The following RBBP4 variants were observed in gnomAD, a reference collection of about 807,000 sequenced individuals.
RBBP4 encodes histone-binding protein RBBP4.
RBBP4 carries 3 observed loss-of-function variants against 57.2 expected under a neutral mutation model. That is an observed-to-expected ratio of 0.05 (90% CI 0.02 to 0.14). The LOEUF (loss-of-function observed/expected upper bound fraction) is 0.14. RBBP4 is among the 10% of genes least tolerant of loss of function. RBBP4 has a pLI of 1.00. For missense variants in RBBP4, 107 were observed against 520.6 expected, an observed-to-expected ratio of 0.21 and a Z score of 7.73; for synonymous variants, 151 against 171.5, an observed-to-expected ratio of 0.88 and a Z score of 0.93.
Position 32,683,863 on chromosome 1 carries a change from C to CCT in RBBP4, c.*4158_*4159insCT. The CCT allele has an allele frequency of 7.1e-6, 5 of 708,578 alleles. No individual in the cohort carries two copies. Among genetic ancestry groups the CCT allele is most frequent in the South Asian group, 1.8e-5 (1 of 56,010 alleles). 43.9% of individuals were successfully genotyped at this position (708,578 alleles called of 1,614,324 possible). A position where few individuals can be genotyped will look rare whatever the true frequency, so the allele number is the denominator to read the frequency against. ...GGCCAGGCTGGTCTTGAACTCCTGA[C>CCT]TCCAGGTGATCCACCCTCCTCAGCC... On this transcript the variant is annotated 3_prime_UTR_variant, in exon 12 of 12. Coordinates refer to ENST00000373493, the MANE Select transcript of RBBP4 (RefSeq NM_005610.3).
chr1:32,651,569 A>G (rs992994907), intron 1 of RBBP4: 4 of 1,080,000 alleles, frequency 3.7e-6, no homozygotes, highest in Non-Finnish European at 5.0e-6. Context: ...CCTGCCTCCG[A>G]TATCGGTTTC....
At chr1:32,675,613 C>T (rs1649065558) in intron 11 of RBBP4, among the ~76,000 whole-genome samples, 1 of 150,834 alleles carries the variant, frequency 6.6e-6, no homozygotes. Context: ...ACTAAAAATA[C>T]AAAAAATTAG....
intron 11 of RBBP4, among the ~76,000 whole-genome samples, chr1:32,676,916 C>G (rs1649126953): frequency 6.6e-6 from 1 of 152,046 alleles, no homozygotes; most frequent in Non-Finnish European, 1.5e-5. Context: ...GCACTCCAGC[C>G]TGGGTGACAG....
chr1:32,651,344 C>G, intron 1 of RBBP4, 22 bp downstream of exon 1: 1 of 1,445,900 alleles, frequency 6.9e-7, no homozygotes, highest in Non-Finnish European at 9.1e-7. Context: ...GGGGCCGACC[C>G]AGGAGGGCAG....
chr1:32,682,345 C>G lies in RBBP4; in HGVS notation c.*2640C>G, dbSNP rs1179661340. 6.5e-6 allele frequency: 1 copy of G among 153,596 alleles called. No individual in the cohort carries two copies. The highest frequency in any genetic ancestry group is 1.4e-5 in the Non-Finnish European group (1 of 69,158). 9.5% of individuals were successfully genotyped at this position (153,596 alleles called of 1,614,324 possible). A position where few individuals can be genotyped will look rare whatever the true frequency, so the allele number is the denominator to read the frequency against. ...CTGAGGCAGGAGTATTGTTTGAACC[C>G]AGGAGGCAGAGTTGCAGTGAGCCAA... On this transcript the variant is annotated 3_prime_UTR_variant, in exon 12 of 12. Coordinates refer to ENST00000373493, the MANE Select transcript of RBBP4 (RefSeq NM_005610.3).
Position 32,684,079 on chromosome 1 carries a change from GTAGCA to G in RBBP4, c.*4379_*4383del. The G allele has an allele frequency of 6.2e-7, 1 of 1,613,162 alleles. No individual in the cohort carries two copies. Among genetic ancestry groups the G allele is most frequent in the South Asian group, 1.1e-5 (1 of 91,060 alleles). The stretch of plus-strand genomic sequence containing the variant: ...TCAGCCTGTTCCAGGCTCTTGGGTA[GTAGCA>G]TAGCCCTTTAAAAAGAGAGAGCCAT... On this transcript the variant is annotated 3_prime_UTR_variant, in exon 12 of 12. Transcript: ENST00000373493.
chr1:32,653,072 C>A (rs898649106), intron 2 of RBBP4, among the ~76,000 whole-genome samples: 3 of 152,110 alleles, frequency 2.0e-5, no homozygotes, highest in Admixed American at 2.0e-4. Flanking sequence ...ATGTTTCTTA[C>A]GTGTAGGTAG....
At position 32,681,634 on chromosome 1, in the gene RBBP4, A is replaced by T; in HGVS notation, c.*1929A>T. The T allele has an allele frequency of 4.6e-6, 3 of 659,028 alleles. No homozygotes were observed. Among genetic ancestry groups the T allele is most frequent in the Non-Finnish European group, 7.9e-6 (3 of 379,246 alleles). The allele number at this position is 659,028 out of a possible 1,614,324, so 40.8% of individuals were successfully genotyped here. A position where few individuals can be genotyped will look rare whatever the true frequency, so the allele number is the denominator to read the frequency against. The stretch of plus-strand genomic sequence containing the variant: ...TGAGATCAGTATCAACAGCAGATGA[A>T]ATAGAATCCAGCAAAGAGTTGACAT... On this transcript the variant is annotated 3_prime_UTR_variant, in exon 12 of 12. Transcript: ENST00000373493.
chr1:32,659,559 C>T (rs1413740793), intron 3 of RBBP4, among the ~76,000 whole-genome samples: 2 of 59,540 alleles, frequency 3.4e-5, no homozygotes, highest in Non-Finnish European at 1.2e-4. Flanking sequence ...AGGGAAACTC[C>T]GTCTCAAAAA....
intron 11 of RBBP4, among the ~76,000 whole-genome samples, chr1:32,678,198 C>A (rs1649194173): frequency 6.6e-6 from 1 of 152,112 alleles, no homozygotes; most frequent in Non-Finnish European, 1.5e-5. Context: ...GTCCCCCAGC[C>A]CTAGGCAGCC....
intron 11 of RBBP4, among the ~76,000 whole-genome samples, chr1:32,677,710 A>AGTT (rs10626685): frequency 0.97 from 147,812 of 152,066 alleles, 71,978 homozygotes; most frequent in East Asian, 1. Context: ...AATAGGATTG[A>AGTT]GTTGTACACC....
At chr1:32,679,368 A>G (rs1341833237) in intron 11 of RBBP4, among the ~76,000 whole-genome samples, 1 of 152,234 alleles carries the variant, frequency 6.6e-6, no homozygotes, top group Non-Finnish European at 1.5e-5. Flanking sequence ...AATAGTATCC[A>G]CACTGCAGTT....
At chr1:32,679,347 C>T (rs967887430) in intron 11 of RBBP4, among the ~76,000 whole-genome samples, 2 of 152,178 alleles carry the variant, frequency 1.3e-5, no homozygotes, top group Admixed American at 1.3e-4. Context: ...AGAATGTTGG[C>T]TATCAAGACA....
rs545011892 is a variant in RBBP4 at position 32,665,149 on chromosome 1, C to A, written c.311-3076C>A. Among the ~76,000 whole-genome samples, 84 of 152,128 alleles carry A rather than the reference C, an allele frequency of 5.5e-4. 2 individuals carry two copies. In the South Asian group the frequency reaches 0.016, roughly 28 times the overall value. On this transcript the variant is annotated intron_variant, in intron 3 of 11. Coordinates refer to ENST00000373493, the MANE Select transcript of RBBP4 (RefSeq NM_005610.3). The stretch of plus-strand genomic sequence containing the variant: ...ACTTAGACTGAAGTTTCTTGAGGTA[C>A]GTACCATATATGCCTTGTTTTTTCA...
chr1:32,682,055 T>C lies in RBBP4; in HGVS notation c.*2350T>C, dbSNP rs941383645. The C allele has an allele frequency of 2.3e-5, 13 of 569,444 alleles. No homozygotes were observed. The highest frequency in any genetic ancestry group is 1.7e-4 in the African/African-American group (9 of 53,246). 35.3% of individuals were successfully genotyped at this position (569,444 alleles called of 1,614,324 possible). A position where few individuals can be genotyped will look rare whatever the true frequency, so the allele number is the denominator to read the frequency against. On this transcript the variant is annotated 3_prime_UTR_variant, in exon 12 of 12. Transcript: ENST00000373493. ...TGATGGGAGGGATAGTTAAACGTTT[T>C]CTCTGCTAGGTTAACTTCTTACAGG...
At chr1:32,655,565 A>C (rs983374044) in intron 2 of RBBP4, among the ~76,000 whole-genome samples, 5 of 152,204 alleles carry the variant, frequency 3.3e-5, no homozygotes, top group Admixed American at 3.3e-4. Flanking sequence ...ACATCTGTGC[A>C]GAAGAATTCC....
rs540771442 is a variant in RBBP4 at position 32,682,106 on chromosome 1, T to C, written c.*2401T>C. The stretch of plus-strand genomic sequence containing the variant: ...TATAATTACAATGCCTGAAATTCTG[T>C]AGTTTCATTTCTTTGGATTAGTCGT... On this transcript the variant is annotated 3_prime_UTR_variant, in exon 12 of 12. Coordinates refer to ENST00000373493, the MANE Select transcript of RBBP4 (RefSeq NM_005610.3). 4.1e-6 allele frequency: 2 copies of C among 493,258 alleles called. No homozygotes were observed. The highest frequency in any genetic ancestry group is 7.0e-5 in the East Asian group (2 of 28,448). The allele number at this position is 493,258 out of a possible 1,614,324, so 30.6% of individuals were successfully genotyped here.
intron 11 of RBBP4, 80 bp downstream of exon 11, chr1:32,672,981 A>G (rs1648939012): frequency 1.7e-6 from 2 of 1,155,850 alleles, no homozygotes. Context: ...TTTTATGATT[A>G]CAGCTACCAT....
At chr1:32,664,946 A>G (rs1165651120) in intron 3 of RBBP4, among the ~76,000 whole-genome samples, 1 of 152,188 alleles carries the variant, frequency 6.6e-6, no homozygotes, top group African/African-American at 2.4e-5. Context: ...CAATGTACAT[A>G]CCTTAATTTG....
Sources: allele counts gnomAD v4.1 joint callset (sites outside exome capture counted in the v4.1 genomes callset), GRCh38; gene constraint gnomAD v4.1.1; transcripts MANE v1.5; gene names NCBI Gene and HGNC (gene_info 2026-07-23, HGNC 2026-07-21).